Variants in UCKL1 observed in about 807,000 individuals in gnomAD.
UCKL1 encodes uridine-cytidine kinase-like 1.
UCKL1 carries 65 observed loss-of-function variants against 59.2 expected under a neutral mutation model. The ratio of observed to expected loss-of-function variants is 1.10; its 90% CI spans 0.90 to 1.35. The LOEUF (loss-of-function observed/expected upper bound fraction) is 1.35, where lower values mean the gene tolerates loss of function less well. Ranked by LOEUF, UCKL1 falls within the 40% of genes most tolerant of loss-of-function variation. The probability of loss-of-function intolerance (pLI) is 0.00; values close to 1 mark genes in which losing one functional copy is unlikely to be tolerated. For missense variants in UCKL1, 703 were observed against 784.3 expected (o/e 0.90, Z 1.24); for synonymous variants, 410 against 323.1 (o/e 1.27, Z -2.88).
At chr20:63,942,727 TG>T in intron 8 of UCKL1, 1 of 489,790 alleles carries the variant, frequency 2.0e-6, no homozygotes, top group Non-Finnish European at 4.2e-6. Context: ...AACACTTCCT[TG>T]GCTGACCAGA....
intron 1 of UCKL1, chr20:63,950,859 C>T: frequency 2.0e-6 from 3 of 1,481,776 alleles, no homozygotes; most frequent in South Asian, 1.4e-5. Context: ...TCCTGAACAG[C>T]AGAGTGGCCC....
At chr20:63,941,385 G>T in intron 8 of UCKL1, 177 bp from the exon 9 acceptor site, 1 of 959,066 alleles carries the variant, frequency 1.0e-6, no homozygotes, top group Non-Finnish European at 1.5e-6. Context: ...CGCCCTACCT[G>T]AGCTGTCAGG....
rs2058660721 is a variant in UCKL1, at chr20:63,956,288, C to T, written c.85G>A (p.Glu29Lys). 3 of 1,560,338 alleles carry T rather than the reference C, an allele frequency of 1.9e-6. No homozygotes were observed. Among genetic ancestry groups the T allele is most frequent in the East Asian group, 2.6e-5 (1 of 38,106 alleles). Residue 29 changes from glutamate to lysine, a missense_variant, in exon 1 of 15, where the codon GAG becomes AAG. Physicochemically the swap from Glu to Lys is moderately conservative, Grantham distance 56. Coordinates refer to ENST00000354216, the MANE Select transcript of UCKL1 (RefSeq NM_017859.4). Reference protein sequence around the residue: ...TARDTPGRQAEKSETACEDRS... With the variant: ...TARDTPGRQAKKSETACEDRS... ...TCCTCGCACGCGGTCTCGCTTTTCTCAGCCTGCCGGCCTGGTGTGTCTCGG... is the reference window on the plus strand; with the variant it reads ...TCCTCGCACGCGGTCTCGCTTTTCTTAGCCTGCCGGCCTGGTGTGTCTCGG...
At chr20:63,951,235 G>C in intron 1 of UCKL1, 1 of 987,846 alleles carries the variant, frequency 1.0e-6, no homozygotes, top group Non-Finnish European at 1.2e-6. Flanking sequence ...GGCTTTGCCT[G>C]GTGTGGCCCT....
intron 1 of UCKL1, chr20:63,953,921 C>T (rs1021538859): frequency 6.6e-6 from 1 of 152,554 alleles, no homozygotes. Flanking sequence ...GTTCTACCAC[C>T]CCTGGGGTCA....
chr20:63,955,996 A>T, intron 1 of UCKL1: 1 of 334,078 alleles, frequency 3.0e-6, no homozygotes, highest in Non-Finnish European at 5.5e-6. Flanking sequence ...CACCGGGGGC[A>T]GAGACCAAGG....
chr20:63,943,213 C>T (rs937584617), intron 8 of UCKL1, among the ~76,000 whole-genome samples: 7 of 152,190 alleles, frequency 4.6e-5, no homozygotes, highest in African/African-American at 2.4e-5. Flanking sequence ...GGAGGACAGG[C>T]GCGAGGCCCT....
intron 5 of UCKL1, 119 bp from the exon 6 acceptor site, chr20:63,944,853 G>C: frequency 7.7e-7 from 1 of 1,290,606 alleles, no homozygotes; most frequent in Non-Finnish European, 1.1e-6. Context: ...CACTTCCCCA[G>C]GGCACCCTGG....
chr20:63,944,670 C>G lies in UCKL1; in HGVS notation c.719G>C (p.Arg240Pro). Residue 240 changes from arginine to proline, a missense_variant, in exon 6 of 15, where the codon CGG becomes CCG. Around this residue, in one of 4 missense-constraint regions of UCKL1, gnomAD observed 398 missense variants for 373.0 expected, o/e 1.07. Transcript: ENST00000354216. ...SDIRLVRRLRRDISERGRDIE... is the reference protein window; with the variant it reads ...SDIRLVRRLRPDISERGRDIE... ...GTCCCGGCCGCGCTCACTGATGTCC[C>G]GGCGCAGCCGCCGTACCAGGCGGAT... 2 of 1,612,672 alleles carry G rather than the reference C, an allele frequency of 1.2e-6. No homozygotes were observed. Among genetic ancestry groups the G allele is most frequent in the Middle Eastern group, 1.7e-4 (1 of 6,058 alleles).
chr20:63,944,323 C>T (rs1465860865), intron 7 of UCKL1, 74 bp downstream of exon 7: 31 of 1,438,946 alleles, frequency 2.2e-5, no homozygotes, highest in Admixed American at 4.2e-5. Flanking sequence ...GACCAGGCCA[C>T]TGGGGGTGGT....
Position 63,940,839 on chromosome 20 carries a change from G to A in UCKL1, c.1134C>T (p.Thr378=). ...FLPFQDCVVQ[T]PQGQDYAGKC... ...TGCCCGCATAGTCCTGCCCCTGCGG[G>A]GTCTGTACGACGCAGTCCTGTGGGG... The change falls in exon 11 of 15, where the codon ACC becomes ACT. Residue 378 remains threonine (T), a synonymous_variant. Transcript: ENST00000354216. 1 of 1,558,700 alleles carries A rather than the reference G, an allele frequency of 6.4e-7. No homozygotes were observed.
At position 63,946,436 on chromosome 20, in the gene UCKL1, C is replaced by G. The variant is rs1239984731; in HGVS notation, c.304+17G>C. 4.6e-6 allele frequency: 7 copies of G among 1,532,772 alleles called. No individual in the cohort carries two copies. The highest frequency in any genetic ancestry group is 1.7e-4 in the Middle Eastern group (1 of 5,766). The allele number at this position is 1,532,772 out of a possible 1,614,324, so 94.9% of individuals were successfully genotyped here. ...GCAGGCGTCCGGCAGCAGGTCCCAC[C>G]CCCCCGCTGCTCTCACCGATGGCGA... On this transcript the variant is annotated intron_variant, in intron 2 of 14. Transcript: ENST00000354216.
intron 1 of UCKL1, chr20:63,951,089 C>T (rs533270921): frequency 6.4e-5 from 76 of 1,186,022 alleles, no homozygotes; most frequent in Middle Eastern, 6.8e-4. Context: ...TCAGCAGAGG[C>T]ACAGCAGCTA....
chr20:63,942,504 AAG>A, intron 8 of UCKL1: 1 of 1,176,832 alleles, frequency 8.5e-7, no homozygotes, highest in Non-Finnish European at 1.1e-6. Flanking sequence ...TTGCCAGGTG[AAG>A]AGCATGTTCA....
chr20:63,941,396 C>T (rs1038273886), intron 8 of UCKL1, 188 bp from the exon 9 acceptor site: 168 of 884,934 alleles, frequency 1.9e-4, no homozygotes, highest in Middle Eastern at 6.7e-4. Flanking sequence ...AGCTGTCAGG[C>T]AAAGGCGAAA....
Position 63,940,066 on chromosome 20 carries a change from G to T in UCKL1, c.1568-11C>A, listed in dbSNP as rs200504039. 7,291 of 316,096 alleles carry T rather than the reference G, an allele frequency of 0.023. 5 individuals carry two copies. The highest frequency in any genetic ancestry group is 0.033 in the Admixed American group (239 of 7,322). 19.6% of individuals were successfully genotyped at this position (316,096 alleles called of 1,614,324 possible). A position where few individuals can be genotyped will look rare whatever the true frequency, so the allele number is the denominator to read the frequency against. ...GGTCGCCAAAGTTCCCTGGAAAAAG[G>T]GGGGGGGGGGTCCAGTGTGGTGGGG... On this transcript the variant is annotated splice_polypyrimidine_tract_variant and intron_variant, in intron 14 of 14. Coordinates refer to ENST00000354216, the MANE Select transcript of UCKL1 (RefSeq NM_017859.4).
intron 1 of UCKL1, among the ~76,000 whole-genome samples, chr20:63,947,026 A>G (rs911124783): frequency 6.6e-6 from 1 of 151,782 alleles, no homozygotes; most frequent in African/African-American, 2.4e-5. Context: ...GGAGATTGCA[A>G]TGAGCTATCG....
chr20:63,950,982 C>G (rs2057503111), intron 1 of UCKL1: 1 of 1,311,104 alleles, frequency 7.6e-7, no homozygotes, highest in Non-Finnish European at 9.7e-7. Flanking sequence ...TGAACTGGCC[C>G]TTCCATGGGC....
chr20:63,941,017 A>T lies in UCKL1; in HGVS notation c.1049T>A (p.Phe350Tyr). Reference sequence around the variant, plus strand: ...CATCAGTCTCTTGGAGTAGAAGATGAACTCGTCGCGACTGGTCTCCTTGTC... The same window carrying T: ...CATCAGTCTCTTGGAGTAGAAGATGTACTCGTCGCGACTGGTCTCCTTGTC... ...IRDKETSRDE[F>Y]IFYSKRLMRL... is the part of the protein sequence containing the mutation. Residue 350 changes from phenylalanine (F) to tyrosine (Y), a missense_variant, in exon 10 of 15, where the codon TTC (phenylalanine) becomes TAC (tyrosine). This residue lies in a region of UCKL1 where 156 missense variants were observed against 185.6 expected (regional missense o/e 0.84). Transcript: ENST00000354216. The T allele has an allele frequency of 1.3e-6, 2 of 1,555,774 alleles. No individual in the cohort carries two copies. Among genetic ancestry groups the T allele is most frequent in the Non-Finnish European group, 1.7e-6 (2 of 1,150,652 alleles).
Sources: gnomAD v4.1 joint callset for allele counts (sites outside exome capture counted in the v4.1 genomes callset) on GRCh38, gnomAD v4.1.1 for gene constraint, gnomAD v4.1.1 regional missense constraint, MANE v1.5 for transcripts, NCBI Gene and HGNC (gene_info 2026-07-23, HGNC 2026-07-21) for gene names.